TAFA5: variants seen among roughly 807,000 people sequenced by gnomAD.
TAFA5 encodes the protein chemokine-like protein TAFA-5.
Under a neutral mutation model 15.3 loss-of-function variants are expected in TAFA5, and 6 were observed. That is an observed-to-expected ratio of 0.39 (90% CI 0.21 to 0.77). The LOEUF is 0.77. TAFA5 is among the 30% of genes least tolerant of loss of function. The pLI is 0.41. For missense variants in TAFA5, 161 were observed against 193.1 expected, an observed-to-expected ratio of 0.83 and a Z score of 0.98; for synonymous variants, 103 against 80.7, an observed-to-expected ratio of 1.28 and a Z score of -1.48.
chr22:48,517,937 G>T (rs548989169), intron 1 of TAFA5, among the ~76,000 whole-genome samples: 2 of 152,230 alleles, frequency 1.3e-5, no homozygotes, highest in African/African-American at 4.8e-5. Flanking sequence ...GGGCAGCCTC[G>T]TGAAAAGCCC....
intron 1 of TAFA5, among the ~76,000 whole-genome samples, chr22:48,572,972 G>T (rs1274447315): frequency 6.6e-6 from 1 of 152,240 alleles, no homozygotes; most frequent in Non-Finnish European, 1.5e-5. Flanking sequence ...ATTTCGTTTA[G>T]AGACATGTTA....
intron 3 of TAFA5, among the ~76,000 whole-genome samples, chr22:48,717,950 CG>C (rs779885428): frequency 2.0e-5 from 3 of 152,220 alleles, no homozygotes; most frequent in Non-Finnish European, 4.4e-5. Flanking sequence ...CTGCAAGGCC[CG>C]GGAGCCGTCT....
chr22:48,569,311 T>TG (rs1923505953), intron 1 of TAFA5, among the ~76,000 whole-genome samples: 1 of 152,186 alleles, frequency 6.6e-6, no homozygotes, highest in Admixed American at 6.5e-5. Flanking sequence ...TTCTGGAAAC[T>TG]GAAAAACCTG....
rs547335829 is a variant in TAFA5 at position 48,696,886 on chromosome 22, G to A, written c.263-10831G>A. On this transcript the variant is annotated intron_variant, in intron 2 of 3. Coordinates refer to ENST00000402357, the MANE Select transcript of TAFA5 (RefSeq NM_001082967.3). ...CAGTCGCGCAAAGGCCCTAGGATAC[G>A]AGGAGGGAGCTCCCGTCTCAGGGAG... is the stretch of plus-strand genomic sequence containing the variant. Among the ~76,000 whole-genome samples, 25 of 152,356 alleles carry A rather than the reference G, an allele frequency of 1.6e-4. 1 individual carries two copies. The highest frequency in any genetic ancestry group is 5.8e-4 in the African/African-American group (24 of 41,596).
At chr22:48,597,387 G>C (rs938776625) in intron 1 of TAFA5, among the ~76,000 whole-genome samples, 1 of 149,380 alleles carries the variant, frequency 6.7e-6, no homozygotes, top group African/African-American at 2.5e-5. Flanking sequence ...CGCATCACCT[G>C]GGCCTCAGTT....
At chr22:48,523,429 A>C (rs1473679137) in intron 1 of TAFA5, among the ~76,000 whole-genome samples, 1 of 152,222 alleles carries the variant, frequency 6.6e-6, no homozygotes, top group African/African-American at 2.4e-5. Context: ...GTGGAGGTGA[A>C]TCACTTATCT....
At chr22:48,499,923 G>A (rs374814137) in intron 1 of TAFA5, among the ~76,000 whole-genome samples, 4 of 152,162 alleles carry the variant, frequency 2.6e-5, no homozygotes, top group Non-Finnish European at 4.4e-5. Context: ...ACACACACCC[G>A]TGAGTCTGCC....
At chr22:48,741,844 T>C (rs1031229158) in intron 3 of TAFA5, among the ~76,000 whole-genome samples, 8 of 152,212 alleles carry the variant, frequency 5.3e-5, no homozygotes, top group African/African-American at 1.7e-4. Context: ...GCTCCAGCAA[T>C]AACACGGCAG....
At chr22:48,744,415 G>A (rs1420645728) in intron 3 of TAFA5, among the ~76,000 whole-genome samples, 1 of 152,178 alleles carries the variant, frequency 6.6e-6, no homozygotes, top group Non-Finnish European at 1.5e-5. Flanking sequence ...AGGCTGGAGC[G>A]GTGTGGCGAG....
chr22:48,555,565 A>T (rs73888930), intron 1 of TAFA5, among the ~76,000 whole-genome samples: 1,937 of 152,312 alleles, frequency 0.013, 50 homozygotes, highest in African/African-American at 0.045. Flanking sequence ...AGACAAGGCA[A>T]AAACAACAAC....
At chr22:48,637,394 G>T (rs1010871459) in intron 1 of TAFA5, among the ~76,000 whole-genome samples, 1 of 152,210 alleles carries the variant, frequency 6.6e-6, no homozygotes, top group African/African-American at 2.4e-5. Flanking sequence ...TGATGTCTCA[G>T]TTCGAAAGCG....
chr22:48,533,738 C>A (rs1434962763), intron 1 of TAFA5, among the ~76,000 whole-genome samples: 3 of 151,954 alleles, frequency 2.0e-5, no homozygotes, highest in Admixed American at 1.3e-4. Context: ...TGAGCTGTTG[C>A]CCAGAGAAGG....
At chr22:48,502,771 C>G (rs1053789438) in intron 1 of TAFA5, among the ~76,000 whole-genome samples, 1 of 152,182 alleles carries the variant, frequency 6.6e-6, no homozygotes, top group African/African-American at 2.4e-5. Context: ...ATCCGCCCCC[C>G]TCGGTCTCCC....
At chr22:48,510,460 T>C (rs1450671434) in intron 1 of TAFA5, among the ~76,000 whole-genome samples, 3 of 152,262 alleles carry the variant, frequency 2.0e-5, no homozygotes. Flanking sequence ...TCGGTGTTCA[T>C]TGTTTTGGAA....
intron 2 of TAFA5, among the ~76,000 whole-genome samples, chr22:48,667,196 G>A (rs762527426): frequency 9.2e-5 from 14 of 152,248 alleles, no homozygotes; most frequent in South Asian, 8.3e-4. Flanking sequence ...CCATCCGAGC[G>A]GCCTGCAGGA....
chr22:48,563,703 G>C (rs1432597703), intron 1 of TAFA5, among the ~76,000 whole-genome samples: 2 of 152,244 alleles, frequency 1.3e-5, no homozygotes, highest in Non-Finnish European at 2.9e-5. Context: ...CACGGTGCCT[G>C]TTCTGCTACC....
intron 1 of TAFA5, among the ~76,000 whole-genome samples, chr22:48,625,408 A>G (rs1312108824): frequency 6.6e-6 from 1 of 152,210 alleles, no homozygotes; most frequent in Non-Finnish European, 1.5e-5. Flanking sequence ...TCCCACTGCA[A>G]CAGTGAGGAA....
chr22:48,615,507 T>C (rs148087907), intron 1 of TAFA5, among the ~76,000 whole-genome samples: 6 of 152,338 alleles, frequency 3.9e-5, no homozygotes, highest in African/African-American at 1.4e-4. Flanking sequence ...GGGCTCCCTG[T>C]GCCTGACTTT....
chr22:48,704,803 G>T lies in TAFA5; in HGVS notation c.263-2914G>T, dbSNP rs775815515. 6.6e-5 allele frequency among the ~76,000 whole-genome samples: 10 copies of T among 152,032 alleles called. No homozygotes were observed. The South Asian group carries it at 1.9e-3, about 28-fold the overall frequency. The stretch of plus-strand genomic sequence containing the variant: ...GCTCAGGCTGCCGTAGCAAAACTCC[G>T]CATACTGAGGGGCTTAAACAACACA... On this transcript the variant is annotated intron_variant, in intron 2 of 3. Coordinates refer to ENST00000402357, the MANE Select transcript of TAFA5 (RefSeq NM_001082967.3).
Sources: gnomAD v4.1 joint callset for allele counts (sites outside exome capture counted in the v4.1 genomes callset) on GRCh38, gnomAD v4.1.1 for gene constraint, MANE v1.5 for transcripts, NCBI Gene and HGNC (gene_info 2026-07-23, HGNC 2026-07-21) for gene names.